Variants in TPRG1 observed in about 807,000 individuals in gnomAD.
The protein encoded by TPRG1 is tumor protein p63 regulated 1.
TPRG1 carries 29 observed loss-of-function variants against 29.3 expected under a neutral mutation model. That is an observed-to-expected ratio of 0.99 (90% CI 0.74 to 1.35). The LOEUF is 1.35. TPRG1 is among the 40% of genes most tolerant of loss of function. The probability of loss-of-function intolerance (pLI) is 0.00; values close to 1 mark genes in which losing one functional copy is unlikely to be tolerated. For missense variants in TPRG1, 327 were observed against 335.0 expected, an observed-to-expected ratio of 0.98 and a Z score of 0.19; for synonymous variants, 130 against 116.8, an observed-to-expected ratio of 1.11 and a Z score of -0.73.
At chr3:189,244,901 A>T (rs1237170948) in intron 4 of TPRG1, among the ~76,000 whole-genome samples, 1 of 151,976 alleles carries the variant, frequency 6.6e-6, no homozygotes, top group Non-Finnish European at 1.5e-5. Flanking sequence ...CTAATTACTA[A>T]TTAGTTGATC....
At chr3:189,143,159 T>C (rs938642400) in intron 3 of TPRG1, among the ~76,000 whole-genome samples, 4 of 133,638 alleles carry the variant, frequency 3.0e-5, no homozygotes. Flanking sequence ...TTTAGGATCA[T>C]CTTTTTTTTA....
At chr3:189,104,604 T>C (rs377452023) in intron 1 of TPRG1, among the ~76,000 whole-genome samples, 1 of 151,892 alleles carries the variant, frequency 6.6e-6, no homozygotes, top group Non-Finnish European at 1.5e-5. Flanking sequence ...TAAGAGACTA[T>C]ATTTACTTGT....
chr3:189,277,536 C>T (rs936087367), intron 4 of TPRG1, among the ~76,000 whole-genome samples: 1 of 151,690 alleles, frequency 6.6e-6, no homozygotes, highest in Non-Finnish European at 1.5e-5. Flanking sequence ...TCAAGTCTTA[C>T]CAAATCAAAA....
At chr3:189,175,396 A>C (rs1369994363) in intron 1 of TPRG1, among the ~76,000 whole-genome samples, 3 of 152,354 alleles carry the variant, frequency 2.0e-5, no homozygotes, top group East Asian at 1.9e-4. Flanking sequence ...ATATAGGGCC[A>C]GTGGAACTGA....
chr3:189,205,409 C>T (rs1167534874), intron 1 of TPRG1, among the ~76,000 whole-genome samples: 1 of 152,228 alleles, frequency 6.6e-6, no homozygotes, highest in Non-Finnish European at 1.5e-5. Context: ...CTCCTATCAT[C>T]CTGACATAAT....
At chr3:189,315,198 T>C (rs921136414) in intron 5 of TPRG1, among the ~76,000 whole-genome samples, 1 of 151,918 alleles carries the variant, frequency 6.6e-6, no homozygotes. Flanking sequence ...AGGGATTAAG[T>C]GACTGAAATC....
chr3:189,007,453 T>G (rs1473121681), intron 3 of TPRG1, among the ~76,000 whole-genome samples: 4 of 151,932 alleles, frequency 2.6e-5, no homozygotes, highest in African/African-American at 9.7e-5. Flanking sequence ...TTGGTGGGAC[T>G]GTAAACTAGT....
intron 4 of TPRG1, among the ~76,000 whole-genome samples, chr3:189,068,682 A>G (rs1470264890): frequency 6.6e-6 from 1 of 152,188 alleles, no homozygotes; most frequent in Non-Finnish European, 1.5e-5. Context: ...AGGTTGAGGC[A>G]GGAGAATCGC....
intron 4 of TPRG1, among the ~76,000 whole-genome samples, chr3:189,280,783 A>G (rs1306242229): frequency 6.6e-6 from 1 of 152,222 alleles, no homozygotes; most frequent in Non-Finnish European, 1.5e-5. Flanking sequence ...TAATATATGA[A>G]TGATACTATC....
At chr3:189,236,421 T>C (rs1739462123) in intron 3 of TPRG1, among the ~76,000 whole-genome samples, 1 of 152,172 alleles carries the variant, frequency 6.6e-6, no homozygotes, top group Non-Finnish European at 1.5e-5. Flanking sequence ...TGTAGATATC[T>C]GATAAGAAAT....
At chr3:189,112,062 G>GT (rs971181462) in intron 1 of TPRG1, among the ~76,000 whole-genome samples, 10 of 152,054 alleles carry the variant, frequency 6.6e-5, no homozygotes, top group African/African-American at 2.2e-4. Context: ...ATGATCATTT[G>GT]TTTTTTTCCT....
Position 189,310,573 on chromosome 3 carries a change from G to A in TPRG1, c.633+34G>A, listed in dbSNP as rs1175567803. ...CATCTTGGGTATTACTCTCAGATTA[G>A]CTTTGTTGCTGGAGCTATGTGCTTC... On this transcript the variant is annotated intron_variant, in intron 5 of 5. Coordinates refer to ENST00000345063, the MANE Select transcript of TPRG1 (RefSeq NM_198485.4). The A allele has an allele frequency of 2.6e-6, 4 of 1,565,716 alleles. No homozygotes were observed. In the East Asian group the frequency reaches 6.8e-5, roughly 27 times the overall value.
At chr3:189,019,578 A>G (rs367845763) in intron 3 of TPRG1, among the ~76,000 whole-genome samples, 3 of 152,324 alleles carry the variant, frequency 2.0e-5, no homozygotes, top group East Asian at 3.9e-4. Flanking sequence ...CCCAGGGATG[A>G]AGCCCACTTG....
At chr3:189,217,935 C>T (rs1053834313) in intron 3 of TPRG1, 1 of 985,192 alleles carries the variant, frequency 1.0e-6, no homozygotes, top group Non-Finnish European at 1.2e-6. Flanking sequence ...ACAAAAATCC[C>T]AACTCCCCCA....
At chr3:189,161,190 C>A (rs1727428893) in intron 5 of TPRG1, among the ~76,000 whole-genome samples, 1 of 152,030 alleles carries the variant, frequency 6.6e-6, no homozygotes, top group Admixed American at 6.5e-5. Context: ...CGACATACAA[C>A]TGTAGAGGTA....
chr3:189,275,059 T>G (rs1053191205), intron 4 of TPRG1, among the ~76,000 whole-genome samples: 2 of 151,978 alleles, frequency 1.3e-5, no homozygotes, highest in Admixed American at 6.6e-5. Flanking sequence ...AGGCACTGCA[T>G]GTATTTATGT....
At chr3:189,242,325 A>G (rs1459619763) in intron 4 of TPRG1, among the ~76,000 whole-genome samples, 1 of 152,034 alleles carries the variant, frequency 6.6e-6, no homozygotes, top group Non-Finnish European at 1.5e-5. Flanking sequence ...TTATGTGTCA[A>G]TATCTGGTTG....
At position 189,225,056 on chromosome 3, in the gene TPRG1, C is replaced by G. The variant is rs578102691; in HGVS notation, c.302+9673C>G. Reference sequence around the variant, plus strand: ...ACGCCATTCTCCTGCCTCAGCCTCCCAAGTAGCTGGGACTACAGGCGCCCG... The same window carrying G: ...ACGCCATTCTCCTGCCTCAGCCTCCGAAGTAGCTGGGACTACAGGCGCCCG... On this transcript the variant is annotated intron_variant, in intron 3 of 5. Coordinates refer to ENST00000345063, the MANE Select transcript of TPRG1 (RefSeq NM_198485.4). 2.6e-5 allele frequency among the ~76,000 whole-genome samples: 4 copies of G among 152,106 alleles called. No homozygotes were observed. The South Asian group carries it at 8.3e-4, about 32-fold the overall frequency.
chr3:189,238,975 G>A (rs555408573), intron 4 of TPRG1, 66 bp downstream of exon 4: 70 of 1,431,002 alleles, frequency 4.9e-5, no homozygotes, highest in East Asian at 4.6e-4. Context: ...AAAACAAGCC[G>A]AAAATTCAGT....
Sources: allele counts gnomAD v4.1 joint callset (sites outside exome capture counted in the v4.1 genomes callset), GRCh38; gene constraint gnomAD v4.1.1; transcripts MANE v1.5; gene names NCBI Gene and HGNC (gene_info 2026-07-23, HGNC 2026-07-21).